Variants in LIN52 observed in about 807,000 individuals in gnomAD.
The protein encoded by LIN52 is protein lin-52 homolog.
LIN52 carries 4 observed loss-of-function variants against 18.5 expected under a neutral mutation model. The observed-to-expected ratio is 0.22, with a 90% CI of 0.11 to 0.49. The LOEUF is 0.49. Ranked by LOEUF, LIN52 falls within the 20% of genes least tolerant of loss-of-function variation. The pLI is 0.97. For synonymous variants in LIN52, 34 were observed against 45.5 expected (o/e 0.75, Z 1.02); for missense variants, 102 against 139.5 (o/e 0.73, Z 1.35).
At chr14:74,141,057 A>C (rs1042165725) in intron 5 of LIN52, among the ~76,000 whole-genome samples, 1 of 152,222 alleles carries the variant, frequency 6.6e-6, no homozygotes, top group Admixed American at 6.5e-5. Context: ...AATGGTAAAT[A>C]AGTGGTTTCT....
chr14:74,121,214 C>T (rs561758552), intron 5 of LIN52, among the ~76,000 whole-genome samples: 1 of 152,266 alleles, frequency 6.6e-6, no homozygotes, highest in East Asian at 1.9e-4. Flanking sequence ...TCAGTGGCTC[C>T]CATATAATTC....
At position 74,116,776 on chromosome 14, in the gene LIN52, A is replaced by G. The variant is rs146264801; in HGVS notation, c.283+15538A>G. Reference sequence around the variant, plus strand: ...TTCATGACAGAAAGGTATTCATTATATATAAGGATAATAGCAAGTGACAAA... The same window carrying G: ...TTCATGACAGAAAGGTATTCATTATGTATAAGGATAATAGCAAGTGACAAA... On this transcript the variant is annotated intron_variant, in intron 5 of 5. Coordinates refer to ENST00000555028, the MANE Select transcript of LIN52 (RefSeq NM_001024674.3). Among the ~76,000 whole-genome samples the G allele has an allele frequency of 1.8e-4, 27 of 151,362 alleles. 1 individual carries two copies. The highest frequency in any genetic ancestry group is 4.8e-4 in the African/African-American group (20 of 41,406).
At chr14:74,173,144 C>T (rs1566866773) in intron 5 of LIN52, among the ~76,000 whole-genome samples, 1 of 152,058 alleles carries the variant, frequency 6.6e-6, no homozygotes, top group Non-Finnish European at 1.5e-5. Context: ...ATTACTTAGC[C>T]AATTATTTAC....
At chr14:74,097,921 C>CT in intron 4 of LIN52, 61 bp downstream of exon 4, 3 of 1,264,170 alleles carry the variant, frequency 2.4e-6, no homozygotes, top group Non-Finnish European at 3.4e-6. Context: ...GACCACCTCT[C>CT]TATTTTTTTT....
At chr14:74,156,944 G>A (rs2139561025) in intron 5 of LIN52, among the ~76,000 whole-genome samples, 1 of 151,788 alleles carries the variant, frequency 6.6e-6, no homozygotes, top group East Asian at 1.9e-4. Context: ...ATGTCCTCTA[G>A]TTCCATCCAT....
Position 74,092,299 on chromosome 14 carries a change from G to GTA in LIN52, c.94+1007_94+1008dup, listed in dbSNP as rs34699701. 8.7e-3 allele frequency among the ~76,000 whole-genome samples: 1,256 copies of GTA among 144,252 alleles called. 9 individuals are homozygous for GTA. Among genetic ancestry groups the GTA allele is most frequent in the African/African-American group, 0.026 (1,013 of 39,364 alleles). 94.6% of individuals were successfully genotyped at this position (144,252 alleles called of 152,430 possible). A position where few individuals can be genotyped will look rare whatever the true frequency, so the allele number is the denominator to read the frequency against. Reference sequence around the variant, plus strand: ...CAATAATTATTATTATTATATATATGTATATATATATATATGTTTTTTTTA... The same window carrying GTA: ...CAATAATTATTATTATTATATATATGTATATATATATATATATGTTTTTTTTA... On this transcript the variant is annotated intron_variant, in intron 2 of 5. Coordinates refer to ENST00000555028, the MANE Select transcript of LIN52 (RefSeq NM_001024674.3).
At chr14:74,183,388 C>T (rs1237174460) in intron 5 of LIN52, among the ~76,000 whole-genome samples, 1 of 152,068 alleles carries the variant, frequency 6.6e-6, no homozygotes, top group Non-Finnish European at 1.5e-5. Context: ...CATGAGCCAC[C>T]GCACTCAGCC....
At chr14:74,192,631 C>T in intron 5 of LIN52, 1 of 238,456 alleles carries the variant, frequency 4.2e-6, no homozygotes, top group Non-Finnish European at 8.3e-6. Context: ...TAGGATAGTT[C>T]AGTGGTGCAG....
chr14:74,156,824 G>A (rs1330901170), intron 5 of LIN52, among the ~76,000 whole-genome samples: 1 of 151,984 alleles, frequency 6.6e-6, no homozygotes, highest in Non-Finnish European at 1.5e-5. Context: ...CTAGCCTCCA[G>A]TAACCACTAT....
Position 74,095,999 on chromosome 14 carries a change from C to T in LIN52, c.132+14C>T. 1 of 1,592,168 alleles carries T rather than the reference C, an allele frequency of 6.3e-7. No individual in the cohort carries two copies. The highest frequency in any genetic ancestry group is 1.7e-4 in the Middle Eastern group (1 of 6,004). Reference sequence around the variant, plus strand: ...TCCTTCAAAAGTGTAAGTAATATCCCTTACCTACTGAGGTCAATCCAAAGT... The same window carrying T: ...TCCTTCAAAAGTGTAAGTAATATCCTTTACCTACTGAGGTCAATCCAAAGT... On this transcript the variant is annotated intron_variant, in intron 3 of 5. Transcript: ENST00000555028.
chr14:74,131,104 A>G (rs1051327748), intron 5 of LIN52, among the ~76,000 whole-genome samples: 4 of 151,948 alleles, frequency 2.6e-5, no homozygotes, highest in Admixed American at 6.6e-5. Flanking sequence ...TAAATTTTTT[A>G]TTCTTAAGTA....
intron 4 of LIN52, among the ~76,000 whole-genome samples, chr14:74,100,811 A>G (rs778310444): frequency 2.6e-5 from 4 of 152,024 alleles, no homozygotes; most frequent in Non-Finnish European, 4.4e-5. Flanking sequence ...GTGAGGTATC[A>G]TTGCCCAGGC....
rs2060826628 is a variant in LIN52, at chr14:74,097,962, A to C, written c.199+102A>C. 15 of 820,854 alleles carry C rather than the reference A, an allele frequency of 1.8e-5. No individual in the cohort carries two copies. The South Asian group carries it at 2.4e-4, about 13-fold the overall frequency. 50.8% of individuals were successfully genotyped at this position (820,854 alleles called of 1,614,324 possible). On this transcript the variant is annotated intron_variant, in intron 4 of 5. Coordinates refer to ENST00000555028, the MANE Select transcript of LIN52 (RefSeq NM_001024674.3). ...TTTCCTTACAAGTATTTTTGGCTTC[A>C]GACTTCTCATTTAAACCTCCTTATT... is the stretch of plus-strand genomic sequence containing the variant.
At chr14:74,108,422 G>A (rs1331494841) in intron 5 of LIN52, among the ~76,000 whole-genome samples, 2 of 152,146 alleles carry the variant, frequency 1.3e-5, no homozygotes, top group Non-Finnish European at 2.9e-5. Context: ...GGGTCATGTG[G>A]TAACTCTATA....
intron 5 of LIN52, among the ~76,000 whole-genome samples, chr14:74,176,624 C>T (rs536070703): frequency 2.6e-5 from 4 of 152,174 alleles, no homozygotes; most frequent in African/African-American, 7.2e-5. Context: ...TGCACTATGA[C>T]GATGTTACAA....
intron 5 of LIN52, among the ~76,000 whole-genome samples, chr14:74,119,635 G>A (rs576201729): frequency 2.0e-5 from 3 of 152,168 alleles, no homozygotes; most frequent in African/African-American, 7.2e-5. Context: ...CTTACCAACA[G>A]GTGTATTCTC....
At chr14:74,093,358 C>G (rs893516680) in intron 2 of LIN52, among the ~76,000 whole-genome samples, 1 of 126,288 alleles carries the variant, frequency 7.9e-6, no homozygotes, top group Non-Finnish European at 1.6e-5. Flanking sequence ...GAGTTTCACT[C>G]TTGTTCCCCA....
chr14:74,179,748 C>T (rs913274712), intron 5 of LIN52, among the ~76,000 whole-genome samples: 2 of 151,716 alleles, frequency 1.3e-5, no homozygotes, highest in African/African-American at 2.4e-5. Flanking sequence ...TTCTAAAAGA[C>T]ACCCCCCTTG....
chr14:74,136,187 A>C (rs1022348988), intron 5 of LIN52, among the ~76,000 whole-genome samples: 5 of 152,228 alleles, frequency 3.3e-5, no homozygotes, highest in Admixed American at 1.3e-4. Flanking sequence ...TTAGGACCTT[A>C]AATTTTTTTC....
Sources: gnomAD v4.1 joint callset for allele counts (sites outside exome capture counted in the v4.1 genomes callset) on GRCh38, gnomAD v4.1.1 for gene constraint, MANE v1.5 for transcripts, NCBI Gene and HGNC (gene_info 2026-07-23, HGNC 2026-07-21) for gene names.